Variants in HDGFL2 observed in about 807,000 individuals in gnomAD.
HDGFL2 encodes hepatoma-derived growth factor-related protein 2.
A neutral mutation model predicts 77.1 loss-of-function variants in HDGFL2; 36 were observed. The observed-to-expected ratio is 0.47, with a 90% CI of 0.36 to 0.62. The LOEUF is 0.62. Ranked by LOEUF, HDGFL2 falls within the 20% of genes least tolerant of loss-of-function variation. The pLI is 0.00. For synonymous variants in HDGFL2, 463 were observed against 413.1 expected, an observed-to-expected ratio of 1.12 and a Z score of -1.46; for missense variants, 976 against 973.4, an observed-to-expected ratio of 1.00 and a Z score of -0.04.
intron 1 of HDGFL2, among the ~76,000 whole-genome samples, chr19:4,474,711 G>T (rs1260354678): frequency 6.6e-6 from 1 of 152,042 alleles, no homozygotes; most frequent in Non-Finnish European, 1.5e-5. Flanking sequence ...TCTCCAGCCT[G>T]CTCTCCTAGC....
intron 6 of HDGFL2, 56 bp from the exon 7 acceptor site, chr19:4,493,647 C>T: frequency 1.4e-6 from 2 of 1,391,832 alleles, no homozygotes; most frequent in Non-Finnish European, 1.9e-6. Flanking sequence ...GCCTGGTGCG[C>T]CCCGCTTCTC....
chr19:4,480,312 C>T (rs1403384804), intron 3 of HDGFL2, among the ~76,000 whole-genome samples: 1 of 152,142 alleles, frequency 6.6e-6, no homozygotes, highest in South Asian at 2.1e-4. Flanking sequence ...CCCCAACTCC[C>T]AGATCCCCTG....
intron 6 of HDGFL2, 147 bp downstream of exon 6, chr19:4,491,982 C>A: frequency 2.9e-6 from 2 of 692,128 alleles, no homozygotes; most frequent in Non-Finnish European, 2.4e-6. Context: ...CTGCCCTGAG[C>A]GTGGCACCTC....
In HDGFL2 at chr19:4,493,163, CTG is replaced by C. The variant is rs1375766149; in HGVS notation, c.679-533_679-532del. On this transcript the variant is annotated intron_variant, in intron 6 of 15. Coordinates refer to ENST00000616600, the MANE Select transcript of HDGFL2 (RefSeq NM_001001520.3). ...TCTGTGTCTGTGTGGTGTGTGTTGT[CTG>C]TGTGTGGTGTGTGCGTGGTGTGTGT... is the stretch of plus-strand genomic sequence containing the variant. 3.3e-4 allele frequency among the ~76,000 whole-genome samples: 31 copies of C among 93,438 alleles called. No individual in the cohort carries two copies. The East Asian group carries it at 7.5e-3, about 23-fold the overall frequency. 61.3% of individuals were successfully genotyped at this position (93,438 alleles called of 152,430 possible).
intron 9 of HDGFL2, 22 bp downstream of exon 9, chr19:4,494,497 A>G (rs1393288266): frequency 7.3e-7 from 1 of 1,364,306 alleles, no homozygotes; most frequent in Non-Finnish European, 9.4e-7. Flanking sequence ...GGGCGCCGGG[A>G]GTCCCTGCCT....
intron 3 of HDGFL2, among the ~76,000 whole-genome samples, chr19:4,482,488 G>A (rs1302376841): frequency 2.0e-5 from 3 of 152,034 alleles, no homozygotes; most frequent in Admixed American, 6.6e-5. Context: ...GATTATAGGC[G>A]TGAGCCACCG....
chr19:4,500,577 C>T (rs1407639056), intron 14 of HDGFL2, among the ~76,000 whole-genome samples: 2 of 138,684 alleles, frequency 1.4e-5, no homozygotes, highest in East Asian at 2.1e-4. Flanking sequence ...TCTCCTGCCT[C>T]AGCCTCCCGA....
At chr19:4,477,269 G>A (rs1321968595) in intron 3 of HDGFL2, among the ~76,000 whole-genome samples, 1 of 152,194 alleles carries the variant, frequency 6.6e-6, no homozygotes, top group Non-Finnish European at 1.5e-5. Flanking sequence ...GTCAGGCACA[G>A]TCCTTGCCTT....
chr19:4,492,165 G>A (rs72973989), intron 6 of HDGFL2, among the ~76,000 whole-genome samples: 11,998 of 152,248 alleles, frequency 0.079, 536 homozygotes, highest in African/African-American at 0.12. Context: ...GTGTGCCAGT[G>A]TGTATATGAG....
intron 6 of HDGFL2, among the ~76,000 whole-genome samples, chr19:4,492,058 CATCAGAAGGGAGGG>C (rs2145194171): frequency 6.6e-6 from 1 of 152,246 alleles, no homozygotes; most frequent in African/African-American, 2.4e-5. Context: ...GGGATGCTGG[CATCAGAAGGGAGGG>C]AAGCAGTCCT....
At position 4,492,707 on chromosome 19, in the gene HDGFL2, TGTGTGTG is replaced by T. The variant is rs376771588; in HGVS notation, c.678+887_678+893del. 2.0e-3 allele frequency among the ~76,000 whole-genome samples: 299 copies of T among 150,206 alleles called. 2 individuals carry two copies. The highest frequency in any genetic ancestry group is 5.9e-3 in the African/African-American group (241 of 40,684). On this transcript the variant is annotated intron_variant, in intron 6 of 15. Coordinates refer to ENST00000616600, the MANE Select transcript of HDGFL2 (RefSeq NM_001001520.3). ...TCTGTGGTGTGTGGTATGTGTTGTC[TGTGTGTG>T]GTGTGTGGTGTGTGTGGTGTATGTG...
intron 6 of HDGFL2, among the ~76,000 whole-genome samples, chr19:4,493,090 C>CTCTG (rs1555687526): frequency 2.4e-5 from 3 of 124,868 alleles, no homozygotes; most frequent in Non-Finnish European, 4.9e-5. Flanking sequence ...TGTGTGTTAT[C>CTCTG]TGTGTGGTGT....
At position 4,498,869 on chromosome 19, in the gene HDGFL2, C is replaced by T. The variant is rs771625969; in HGVS notation, c.1529C>T (p.Ser510Phe). Residue 510 changes from serine to phenylalanine, a missense_variant, in exon 13 of 16, where the codon TCT becomes TTT. Around this residue, in one of 5 missense-constraint regions of HDGFL2, gnomAD observed 46 missense variants for 81.3 expected, o/e 0.57. Coordinates refer to ENST00000616600, the MANE Select transcript of HDGFL2 (RefSeq NM_001001520.3). ...LEELGTLQVT[S>F]QILQKNTDVV... is the part of the protein sequence containing the mutation. ...GAGCTGGGAACCCTGCAGGTGACCTCTCAGATCCTCCAGAAGAACACAGAC... is the reference window on the plus strand; with the variant it reads ...GAGCTGGGAACCCTGCAGGTGACCTTTCAGATCCTCCAGAAGAACACAGAC... 3.7e-6 allele frequency: 6 copies of T among 1,612,136 alleles called. No homozygotes were observed. The highest frequency in any genetic ancestry group is 5.1e-6 in the Non-Finnish European group (6 of 1,179,158).
intron 14 of HDGFL2, 43 bp from the exon 15 acceptor site, chr19:4,501,148 G>A (rs748168803): frequency 6.2e-7 from 1 of 1,610,792 alleles, no homozygotes; most frequent in East Asian, 2.2e-5. Context: ...GGGGTGCCCA[G>A]CTGGAGCCCA....
At chr19:4,491,890 C>A in intron 6 of HDGFL2, 55 bp downstream of exon 6, 3 of 1,497,908 alleles carry the variant, frequency 2.0e-6, no homozygotes, top group South Asian at 1.1e-5. Flanking sequence ...CCTCTGCGGT[C>A]TCCAGTGCTG....
intron 4 of HDGFL2, among the ~76,000 whole-genome samples, chr19:4,490,756 G>A (rs566327590): frequency 6.6e-6 from 1 of 151,786 alleles, no homozygotes; most frequent in Non-Finnish European, 1.5e-5. Flanking sequence ...AAAAATACCT[G>A]TAGTATATGA....
intron 14 of HDGFL2, among the ~76,000 whole-genome samples, chr19:4,500,756 C>G (rs953519997): frequency 3.3e-5 from 5 of 152,084 alleles, no homozygotes; most frequent in African/African-American, 1.2e-4. Flanking sequence ...CCACTGCGCC[C>G]TGCCAGGACG....
chr19:4,494,574 A>G (rs1310068330), intron 9 of HDGFL2, 99 bp downstream of exon 9: 5 of 910,664 alleles, frequency 5.5e-6, no homozygotes, highest in Non-Finnish European at 7.3e-6. Flanking sequence ...GGACCCATCA[A>G]GAAAGCAGTG....
At chr19:4,475,666 A>C in intron 3 of HDGFL2, 83 bp downstream of exon 3, 1 of 1,458,702 alleles carries the variant, frequency 6.9e-7, no homozygotes. Context: ...TCCCCTGGGC[A>C]CTGTGGACAC....
Sources: gnomAD v4.1 joint callset for allele counts (sites outside exome capture counted in the v4.1 genomes callset) on GRCh38, gnomAD v4.1.1 for gene constraint, gnomAD v4.1.1 regional missense constraint, MANE v1.5 for transcripts, NCBI Gene and HGNC (gene_info 2026-07-23, HGNC 2026-07-21) for gene names.